LRBA: variants seen among roughly 807,000 people sequenced by gnomAD.
LRBA encodes the protein lipopolysaccharide-responsive and beige-like anchor protein.
A neutral mutation model predicts 330.0 loss-of-function variants in LRBA; 176 were observed. That is an observed-to-expected ratio of 0.53 (90% CI 0.47 to 0.60). LRBA has a LOEUF of 0.60. Ranked by LOEUF, LRBA falls within the 20% of genes least tolerant of loss-of-function variation. The probability of loss-of-function intolerance (pLI) is 0.00; values close to 1 mark genes in which losing one functional copy is unlikely to be tolerated. For missense variants in LRBA, 3,259 were observed against 3,444.8 expected (o/e 0.95, Z 1.35); for synonymous variants, 1,230 against 1,193.0 (o/e 1.03, Z -0.64).
At chr4:150,710,476 T>A (rs770364924) in intron 36 of LRBA, among the ~76,000 whole-genome samples, 25 of 151,912 alleles carry the variant, frequency 1.6e-4, no homozygotes, top group Admixed American at 2.0e-4. Flanking sequence ...AAGTTTTAGA[T>A]AATAAACAAA....
At chr4:150,604,236 C>G (rs1173516256) in intron 37 of LRBA, among the ~76,000 whole-genome samples, 2 of 151,406 alleles carry the variant, frequency 1.3e-5, no homozygotes, top group Non-Finnish European at 2.9e-5. Flanking sequence ...TAGCAAGACC[C>G]TGGTTCAAAA....
At chr4:150,611,252 T>G (rs1775228299) in intron 37 of LRBA, among the ~76,000 whole-genome samples, 1 of 152,214 alleles carries the variant, frequency 6.6e-6, no homozygotes, top group Admixed American at 6.5e-5. Flanking sequence ...GGCATGCTAG[T>G]ACGTATTTTA....
Position 150,565,399 on chromosome 4 carries a change from C to T in LRBA, c.6330+22649G>A, listed in dbSNP as rs182212699. 1.1e-3 allele frequency among the ~76,000 whole-genome samples: 167 copies of T among 152,088 alleles called. 2 individuals are homozygous for T. Among genetic ancestry groups the T allele is most frequent in the African/African-American group, 3.7e-3 (152 of 41,506 alleles). ...GGACAAATACCTAATGCATGTGGGG[C>T]TTAAAACCTAGGTGATGGGTTGATG... On this transcript the variant is annotated intron_variant, in intron 40 of 56. Transcript: ENST00000651943.
chr4:150,558,023 G>C (rs1429065450), intron 40 of LRBA, among the ~76,000 whole-genome samples: 2 of 152,096 alleles, frequency 1.3e-5, no homozygotes, highest in African/African-American at 4.8e-5. Context: ...TCAGCACCCT[G>C]AGTAGCTGGA....
intron 46 of LRBA, chr4:150,423,255 C>A: frequency 9.0e-7 from 1 of 1,110,084 alleles, no homozygotes; most frequent in Non-Finnish European, 1.3e-6. Flanking sequence ...TGACACGCAG[C>A]CGCCTCCCAG....
At chr4:150,736,984 C>T (rs939529535) in intron 35 of LRBA, among the ~76,000 whole-genome samples, 1 of 152,062 alleles carries the variant, frequency 6.6e-6, no homozygotes, top group African/African-American at 2.4e-5. Flanking sequence ...GAGGTCCGGG[C>T]GAGAGGATCA....
In LRBA at chr4:150,746,677, A is replaced by G. The variant is rs547961439; in HGVS notation, c.5646-11311T>C. Among the ~76,000 whole-genome samples the G allele has an allele frequency of 2.6e-5, 4 of 151,916 alleles. No homozygotes were observed. In the South Asian group the frequency reaches 8.3e-4, roughly 32 times the overall value. ...CAGAGCCCACCACCATGCCCGGCTA[A>G]TTTTTTATATTTTTAGTACAGACAG... On this transcript the variant is annotated intron_variant, in intron 35 of 56. Transcript: ENST00000651943.
At chr4:150,647,178 A>T (rs770202643) in intron 37 of LRBA, among the ~76,000 whole-genome samples, 14 of 151,938 alleles carry the variant, frequency 9.2e-5, no homozygotes, top group Non-Finnish European at 1.6e-4. Context: ...GCCTTGCAGA[A>T]TATGTCAATA....
intron 46 of LRBA, among the ~76,000 whole-genome samples, chr4:150,424,786 C>T (rs888740882): frequency 6.6e-6 from 1 of 152,210 alleles, no homozygotes; most frequent in Non-Finnish European, 1.5e-5. Context: ...GAAAGTGGCC[C>T]CGGCCATGAA....
At chr4:150,505,449 T>C (rs950875629) in intron 40 of LRBA, among the ~76,000 whole-genome samples, 18 of 152,156 alleles carry the variant, frequency 1.2e-4, no homozygotes, top group Non-Finnish European at 1.5e-5. Context: ...CTCAACTACA[T>C]GGAAACTGAA....
At chr4:150,480,446 A>T (rs972938708) in intron 42 of LRBA, among the ~76,000 whole-genome samples, 1 of 152,004 alleles carries the variant, frequency 6.6e-6, no homozygotes, top group Non-Finnish European at 1.5e-5. Context: ...TAATATTTAT[A>T]TTAAATAAAA....
intron 37 of LRBA, among the ~76,000 whole-genome samples, chr4:150,656,014 T>G (rs886401233): frequency 3.3e-5 from 5 of 151,970 alleles, no homozygotes; most frequent in African/African-American, 1.2e-4. Flanking sequence ...GGGGAGGAGG[T>G]TAGAGGGTAG....
At chr4:150,895,526 A>G (rs938129360) in intron 16 of LRBA, among the ~76,000 whole-genome samples, 5 of 151,978 alleles carry the variant, frequency 3.3e-5, no homozygotes, top group East Asian at 3.9e-4. Context: ...GAGTGAGAAC[A>G]TGTGGTGTTT....
In LRBA at chr4:150,717,675, G is replaced by GTAA. The variant is rs10522737; in HGVS notation, c.5754+17580_5754+17582dup. ...ACTCTGTCTCAAAATAACAATAATA[G>GTAA]TAATAATAATAATAATAATAATAAT... On this transcript the variant is annotated intron_variant, in intron 36 of 56. Transcript: ENST00000651943. Among the ~76,000 whole-genome samples, 783 of 139,756 alleles carry GTAA rather than the reference G, an allele frequency of 5.6e-3. 6 individuals are homozygous for GTAA. The highest frequency in any genetic ancestry group is 0.015 in the African/African-American group (583 of 38,056). The allele number at this position is 139,756 out of a possible 152,430, so 91.7% of individuals were successfully genotyped here.
intron 44 of LRBA, among the ~76,000 whole-genome samples, chr4:150,462,121 GTCAAAATATAAAA>G (rs1754852437): frequency 5.3e-5 from 8 of 151,748 alleles, no homozygotes; most frequent in Admixed American, 3.3e-4. Flanking sequence ...CAAGGAGGTT[GTCAAAATATAAAA>G]TCAATGTATG....
At chr4:150,840,525 G>T (rs954903184) in intron 28 of LRBA, 1 of 152,366 alleles carries the variant, frequency 6.6e-6, no homozygotes, top group Admixed American at 6.5e-5. Flanking sequence ...GATGGGGAGA[G>T]ACAGGAATGG....
chr4:150,929,092 TA>T (rs1409120802), intron 2 of LRBA, 27 bp from the exon 3 acceptor site: 2 of 1,392,208 alleles, frequency 1.4e-6, no homozygotes, highest in Non-Finnish European at 2.0e-6. Context: ...AAAAACACAT[TA>T]AAAGCATTAG....
intron 37 of LRBA, among the ~76,000 whole-genome samples, chr4:150,678,138 G>C (rs1298188247): frequency 6.6e-6 from 1 of 151,888 alleles, no homozygotes; most frequent in Non-Finnish European, 1.5e-5. Flanking sequence ...CTACTTCAAA[G>C]GCTGAGACAG....
intron 22 of LRBA, among the ~76,000 whole-genome samples, chr4:150,864,450 T>C (rs933113100): frequency 3.3e-5 from 5 of 152,072 alleles, no homozygotes; most frequent in Non-Finnish European, 5.9e-5. Flanking sequence ...AGTGCCATTA[T>C]TTCATATTTT....
Sources: gnomAD v4.1 joint callset for allele counts (sites outside exome capture counted in the v4.1 genomes callset) on GRCh38, gnomAD v4.1.1 for gene constraint, MANE v1.5 for transcripts, NCBI Gene and HGNC (gene_info 2026-07-23, HGNC 2026-07-21) for gene names.